The following PICK1 variants were observed in gnomAD, a reference collection of about 807,000 sequenced individuals.
PICK1 encodes the protein protein interacting with PRKCA 1, also known as PRKCA-binding protein.
Under a neutral mutation model 48.9 loss-of-function variants are expected in PICK1, and 23 were observed. That is an observed-to-expected ratio of 0.47 (90% CI 0.34 to 0.67). The LOEUF is 0.67. Among genes scored for constraint, PICK1 ranks in the 30% least tolerant of loss-of-function variants. PICK1 has a pLI of 0.01. For synonymous variants in PICK1, 217 were observed against 228.2 expected (o/e 0.95, Z 0.44); for missense variants, 423 against 557.1 (o/e 0.76, Z 2.42).
intron 6 of PICK1, among the ~76,000 whole-genome samples, 161 bp from the exon 7 acceptor site, chr22:38,070,677 G>C (rs1473851670): frequency 6.6e-6 from 1 of 152,076 alleles, no homozygotes; most frequent in Non-Finnish European, 1.5e-5. Context: ...AAACACCTTT[G>C]AACCCAGCTG....
chr22:38,067,002 C>T (rs898526675), intron 4 of PICK1, among the ~76,000 whole-genome samples: 8 of 152,078 alleles, frequency 5.3e-5, no homozygotes, highest in African/African-American at 1.9e-4. Context: ...ATGTGCTGTT[C>T]GATGAGTAGA....
At chr22:38,060,829 A>T (rs1225534155) in intron 3 of PICK1, among the ~76,000 whole-genome samples, 1 of 150,804 alleles carries the variant, frequency 6.6e-6, no homozygotes, top group African/African-American at 2.4e-5. Flanking sequence ...GCTCACTGCA[A>T]CCTCTGCCTC....
Position 38,074,572 on chromosome 22 carries a change from A to G in PICK1, c.979+121A>G, listed in dbSNP as rs1403425451. 9.5e-6 allele frequency: 13 copies of G among 1,369,958 alleles called. No individual in the cohort carries two copies. The highest frequency in any genetic ancestry group is 1.9e-4 in the Middle Eastern group (1 of 5,350). The allele number at this position is 1,369,958 out of a possible 1,614,324, so 84.9% of individuals were successfully genotyped here. On this transcript the variant is annotated intron_variant, in intron 12 of 12. Coordinates refer to ENST00000356976, the MANE Select transcript of PICK1 (RefSeq NM_012407.4). This position sits in a 1 kb window ranked among gnomAD's most constrained non-coding sequence, Gnocchi z 4.5. Reference sequence around the variant, plus strand: ...GTAAAGCCCCTCCAGGAGCCCAGCCATCTGCCCAGAGCCTGGCCTGGGTGG... The same window carrying G: ...GTAAAGCCCCTCCAGGAGCCCAGCCGTCTGCCCAGAGCCTGGCCTGGGTGG...
rs1368410924 is a variant in PICK1 at position 38,066,341 on chromosome 22, C to G, written c.282+1211C>G. On this transcript the variant is annotated intron_variant, in intron 4 of 12. Coordinates refer to ENST00000356976, the MANE Select transcript of PICK1 (RefSeq NM_012407.4). The surrounding 1 kb of genome is among the most constrained non-coding windows in gnomAD (Gnocchi z 4.1). ...GTGCCCCATTTGGCAGCCCTTCCCC[C>G]CTCCGCATCTCCTCCCCATCTCCAC... Among the ~76,000 whole-genome samples, 1 of 152,194 alleles carries G rather than the reference C, an allele frequency of 6.6e-6. No homozygotes were observed. Among genetic ancestry groups the G allele is most frequent in the East Asian group, 1.9e-4 (1 of 5,194 alleles).
chr22:38,067,449 C>G, intron 4 of PICK1: 1 of 416,890 alleles, frequency 2.4e-6, no homozygotes, highest in Non-Finnish European at 4.6e-6. Flanking sequence ...GCTGGGATTA[C>G]AGGCACGCGC....
In PICK1 at chr22:38,059,276, T is replaced by C; in HGVS notation, c.84T>C (p.Asp28=). The change falls in exon 3 of 13, where the codon GAT becomes GAC. Residue 28 remains aspartate (D), a synonymous_variant. Coordinates refer to ENST00000356976, the MANE Select transcript of PICK1 (RefSeq NM_012407.4). ...CTGGGAAGGTGACCCTGCAGAAGGATGCTCAGAACCTGATCGGGATCAGCA... is the reference window on the plus strand; with the variant it reads ...CTGGGAAGGTGACCCTGCAGAAGGACGCTCAGAACCTGATCGGGATCAGCA... ...TVPGKVTLQK[D]AQNLIGISIG... The C allele has an allele frequency of 6.3e-7, 1 of 1,584,574 alleles. No homozygotes were observed. Among genetic ancestry groups the C allele is most frequent in the Non-Finnish European group, 8.6e-7 (1 of 1,164,754 alleles).
intron 2 of PICK1, among the ~76,000 whole-genome samples, chr22:38,058,557 A>G (rs1443235504): frequency 1.3e-5 from 2 of 152,118 alleles, no homozygotes; most frequent in Non-Finnish European, 2.9e-5. Flanking sequence ...GATCGAATAA[A>G]TGAAAGGGAA....
At chr22:38,062,336 C>T (rs1291089526) in intron 3 of PICK1, among the ~76,000 whole-genome samples, 3 of 151,758 alleles carry the variant, frequency 2.0e-5, no homozygotes, top group Admixed American at 6.6e-5. Context: ...CAACCTCCAG[C>T]CCCCGGGTTC....
intron 5 of PICK1, 22 bp downstream of exon 5, chr22:38,067,792 C>T (rs777215343): frequency 2.9e-5 from 46 of 1,606,300 alleles, no homozygotes; most frequent in East Asian, 4.5e-5. Context: ...AGAGCAGTTA[C>T]GGGTGTCCAG....
chr22:38,071,657 C>T (rs747928458), intron 7 of PICK1, 25 bp from the exon 8 acceptor site: 1 of 1,606,608 alleles, frequency 6.2e-7, no homozygotes, highest in Non-Finnish European at 8.5e-7. Context: ...CGTCCCCATT[C>T]CGCATCACTC....
Position 38,068,034 on chromosome 22 carries a change from C to T in PICK1, c.349+264C>T, listed in dbSNP as rs1014001463. ...CCCTACCTCCCTGCTTCTGCCATCT[C>T]CTCTGGGGACTTGCTACCCTAGGGT... On this transcript the variant is annotated intron_variant, in intron 5 of 12. Coordinates refer to ENST00000356976, the MANE Select transcript of PICK1 (RefSeq NM_012407.4). 4 of 592,342 alleles carry T rather than the reference C, an allele frequency of 6.8e-6. No individual in the cohort carries two copies. In the African/African-American group the frequency reaches 7.4e-5, roughly 11 times the overall value. The allele number at this position is 592,342 out of a possible 1,614,324, so 36.7% of individuals were successfully genotyped here.
rs2085531512 is a variant in PICK1, at chr22:38,066,595, C to T, written c.283-1109C>T. 6.6e-6 allele frequency among the ~76,000 whole-genome samples: 1 copy of T among 152,212 alleles called. No homozygotes were observed. Among genetic ancestry groups the T allele is most frequent in the African/African-American group, 2.4e-5 (1 of 41,456 alleles). The stretch of plus-strand genomic sequence containing the variant: ...GCTGAACTGGAGCCCGGGCCCGACT[C>T]CCACTGCAGCCCGCTTGCCGTTGGC... On this transcript the variant is annotated intron_variant, in intron 4 of 12. Transcript: ENST00000356976. The surrounding 1 kb of genome is among the most constrained non-coding windows in gnomAD (Gnocchi z 4.1).
chr22:38,075,008 A>T lies in PICK1; in HGVS notation c.1124A>T (p.Gln375Leu), dbSNP rs769587321. The change falls in exon 13 of 13, where the codon CAG becomes CTG. Residue 375 changes from glutamine to leucine, a missense_variant. Around this residue, in one of 2 missense-constraint regions of PICK1, gnomAD observed 144 missense variants for 139.3 expected, o/e 1.03. Transcript: ENST00000356976. Reference protein sequence around the residue: ...AHTTLAYGLNQEEFTDGEEEE... With the variant: ...AHTTLAYGLNLEEFTDGEEEE... ...ACCACATTGGCCTATGGCCTCAACC[A>T]GGAGGAGTTCACAGATGGGGAGGAG... 41 of 1,613,614 alleles carry T rather than the reference A, an allele frequency of 2.5e-5. No individual in the cohort carries two copies. Among genetic ancestry groups the T allele is most frequent in the Non-Finnish European group, 3.3e-5 (39 of 1,180,012 alleles).
rs1249313746 is a variant in PICK1 at position 38,074,418 on chromosome 22, C to A, written c.946C>A (p.Leu316Met). ...CTTCTCCCAGATGCGCAAGGATGTG[C>A]TGGAGAAGATGGAGCTGCTGGACCA... is the stretch of plus-strand genomic sequence containing the variant. ...ARFSQMRKDV[L>M]EKMELLDQKH... The change falls in exon 12 of 13, where the codon CTG becomes ATG. Residue 316 changes from leucine (L) to methionine (M), a missense_variant. Around this residue, in one of 2 missense-constraint regions of PICK1, gnomAD observed 144 missense variants for 139.3 expected, o/e 1.03. Coordinates refer to ENST00000356976, the MANE Select transcript of PICK1 (RefSeq NM_012407.4). This position sits in a 1 kb window ranked among gnomAD's most constrained non-coding sequence, Gnocchi z 4.5. 6.2e-7 allele frequency: 1 copy of A among 1,613,190 alleles called. No individual in the cohort carries two copies. The highest frequency in any genetic ancestry group is 8.5e-7 in the Non-Finnish European group (1 of 1,179,974).
At chr22:38,064,976 C>G in intron 3 of PICK1, 26 bp from the exon 4 acceptor site, 1 of 1,613,442 alleles carries the variant, frequency 6.2e-7, no homozygotes, top group Non-Finnish European at 8.5e-7. Flanking sequence ...CTTTCTTCCC[C>G]CACCACTCTC....
intron 3 of PICK1, 110 bp from the exon 4 acceptor site, chr22:38,064,892 G>A (rs574401282): frequency 3.6e-4 from 474 of 1,325,208 alleles, no homozygotes; most frequent in Non-Finnish European, 4.8e-4. Context: ...CTCAAAAAAC[G>A]AGAGCAGAGG....
intron 3 of PICK1, 52 bp downstream of exon 3, chr22:38,059,397 CA>C: frequency 1.6e-6 from 2 of 1,232,880 alleles, no homozygotes; most frequent in African/African-American, 3.0e-5. Flanking sequence ...TTGGGCATGA[CA>C]AAGGCAGGTT....
At chr22:38,062,230 T>C (rs1278920837) in intron 3 of PICK1, among the ~76,000 whole-genome samples, 1 of 148,370 alleles carries the variant, frequency 6.7e-6, no homozygotes, top group African/African-American at 2.5e-5. Flanking sequence ...TTTCTCAGTA[T>C]GTTTTCCACA....
chr22:38,073,747 C>CT lies in PICK1; in HGVS notation c.784-25dup, dbSNP rs777815869. The stretch of plus-strand genomic sequence containing the variant: ...ACCTGGGGTGGGGGTAGTAGCCACT[C>CT]TGACAGCCTCACCTGTCCCACACAG... On this transcript the variant is annotated intron_variant, in intron 10 of 12. Transcript: ENST00000356976. This position sits in a 1 kb window ranked among gnomAD's most constrained non-coding sequence, Gnocchi z 5.7. The CT allele has an allele frequency of 1.6e-5, 26 of 1,611,262 alleles. No individual in the cohort carries two copies. The Middle Eastern group carries it at 4.9e-4, about 31-fold the overall frequency.
Sources: allele counts gnomAD v4.1 joint callset (sites outside exome capture counted in the v4.1 genomes callset), GRCh38; gene constraint gnomAD v4.1.1; regional missense constraint gnomAD v4.1.1; non-coding constraint Gnocchi (gnomAD v3.1); transcripts MANE v1.5; gene names NCBI Gene and HGNC (gene_info 2026-07-23, HGNC 2026-07-21).